Variants in AIG1 observed in about 807,000 individuals in gnomAD.
The protein encoded by AIG1 is androgen-induced gene 1 protein.
AIG1 carries 23 observed loss-of-function variants against 31.4 expected under a neutral mutation model. That is an observed-to-expected ratio of 0.73 (90% CI 0.53 to 1.04). The LOEUF is 1.04. Among genes scored for constraint, AIG1 ranks in the 50% least tolerant of loss-of-function variants. The pLI is 0.00. For synonymous variants in AIG1, 100 were observed against 110.5 expected (o/e 0.90, Z 0.60); for missense variants, 274 against 295.0 (o/e 0.93, Z 0.52).
chr6:143,238,502 T>C (rs1451059405), intron 3 of AIG1, among the ~76,000 whole-genome samples: 4 of 152,262 alleles, frequency 2.6e-5, no homozygotes, highest in Non-Finnish European at 5.9e-5. Context: ...CTGGGTCATA[T>C]GTTGAGCCTA....
chr6:143,291,225 A>C lies in AIG1; in HGVS notation c.515+7000A>C, dbSNP rs1028660065. Among the ~76,000 whole-genome samples the C allele has an allele frequency of 6.6e-6, 1 of 152,152 alleles. No individual in the cohort carries two copies. Among genetic ancestry groups the C allele is most frequent in the Non-Finnish European group, 1.5e-5 (1 of 68,034 alleles). On this transcript the variant is annotated intron_variant, in intron 4 of 5. Transcript: ENST00000357847. This position sits in a 1 kb window ranked among gnomAD's most constrained non-coding sequence, Gnocchi z 4.2. ...GTGATCCCATCATTGTACATGTCAA[A>C]GTTTCTTGTAGATCTGGTTTGACAT...
intron 4 of AIG1, among the ~76,000 whole-genome samples, chr6:143,302,942 T>C (rs1420378013): frequency 6.6e-6 from 1 of 152,132 alleles, no homozygotes; most frequent in East Asian, 1.9e-4. Context: ...TGGTATCTCA[T>C]TGTGGTTTTG....
At chr6:143,323,148 A>C (rs755852628) in intron 4 of AIG1, among the ~76,000 whole-genome samples, 6 of 152,224 alleles carry the variant, frequency 3.9e-5, no homozygotes, top group Non-Finnish European at 8.8e-5. Context: ...CGTAGGCAGG[A>C]CCAGTTAATC....
At chr6:143,116,546 G>A (rs879555991) in intron 1 of AIG1, among the ~76,000 whole-genome samples, 3 of 151,732 alleles carry the variant, frequency 2.0e-5, no homozygotes, top group Non-Finnish European at 4.4e-5. Context: ...AAAAGGCAGT[G>A]AAGGAAGCTA....
chr6:143,102,277 A>G (rs1297335656), intron 1 of AIG1, among the ~76,000 whole-genome samples: 1 of 151,518 alleles, frequency 6.6e-6, no homozygotes, highest in East Asian at 1.9e-4. Context: ...AATTAGTTCC[A>G]TGTTTTCTCA....
intron 1 of AIG1, among the ~76,000 whole-genome samples, chr6:143,089,927 C>CTG (rs1330080065): frequency 6.6e-6 from 1 of 152,198 alleles, no homozygotes; most frequent in Non-Finnish European, 1.5e-5. Context: ...AAGGATCAAA[C>CTG]TTTCAAACTA....
chr6:143,338,595 G>A lies in AIG1; in HGVS notation c.680-1044G>A, dbSNP rs1174863502. 6.6e-6 allele frequency: 1 copy of A among 152,120 alleles called. No homozygotes were observed. Among genetic ancestry groups the A allele is most frequent in the East Asian group, 1.9e-4 (1 of 5,192 alleles). The allele number at this position is 152,120 out of a possible 1,614,324, so 9.4% of individuals were successfully genotyped here. ...AATTTTATAATTTTCATATTGTGGAGTCCCATATTTTGTTCTGCTTTCCAC... is the reference window on the plus strand; with the variant it reads ...AATTTTATAATTTTCATATTGTGGAATCCCATATTTTGTTCTGCTTTCCAC... On this transcript the variant is annotated intron_variant, in intron 5 of 5. Transcript: ENST00000357847. This position sits in a 1 kb window ranked among gnomAD's most constrained non-coding sequence, Gnocchi z 4.3.
intron 3 of AIG1, among the ~76,000 whole-genome samples, chr6:143,219,924 T>C (rs920797585): frequency 6.6e-6 from 1 of 152,168 alleles, no homozygotes. Flanking sequence ...TGCTATGTCA[T>C]GGCGTTTTCA....
chr6:143,142,172 A>G (rs951440932), intron 2 of AIG1, among the ~76,000 whole-genome samples: 2 of 152,028 alleles, frequency 1.3e-5, no homozygotes, highest in Admixed American at 6.5e-5. Flanking sequence ...CCCTGGGTTT[A>G]GGGGTCCTCT....
At chr6:143,193,977 T>C (rs1014782122) in intron 3 of AIG1, among the ~76,000 whole-genome samples, 2 of 152,166 alleles carry the variant, frequency 1.3e-5, no homozygotes, top group African/African-American at 4.8e-5. Context: ...TATATTTCAG[T>C]ATAGATGAGA....
intron 1 of AIG1, among the ~76,000 whole-genome samples, chr6:143,110,251 T>G (rs1781153707): frequency 1.3e-5 from 2 of 152,240 alleles, no homozygotes; most frequent in Admixed American, 6.5e-5. Flanking sequence ...TCTTGATATC[T>G]GGTAATATAA....
rs1052584127 is a variant in AIG1 at position 143,298,330 on chromosome 6, C to T, written c.515+14105C>T. Among the ~76,000 whole-genome samples, 1 of 152,184 alleles carries T rather than the reference C, an allele frequency of 6.6e-6. No individual in the cohort carries two copies. The highest frequency in any genetic ancestry group is 2.4e-5 in the African/African-American group (1 of 41,434). ...AAGTGCCTTCTATAAACATGTTCCC[C>T]TTATTCTCCCTTTGCCACACAAAGT... is the stretch of plus-strand genomic sequence containing the variant. On this transcript the variant is annotated intron_variant, in intron 4 of 5. Transcript: ENST00000357847. The surrounding 1 kb of genome is among the most constrained non-coding windows in gnomAD (Gnocchi z 5.1).
At chr6:143,315,731 A>G (rs1775689449) in intron 4 of AIG1, among the ~76,000 whole-genome samples, 1 of 152,150 alleles carries the variant, frequency 6.6e-6, no homozygotes, top group Admixed American at 6.6e-5. Flanking sequence ...AGAAGAAAAT[A>G]TAAGGAATTT....
intron 3 of AIG1, among the ~76,000 whole-genome samples, chr6:143,171,071 G>A (rs554855770): frequency 3.9e-4 from 60 of 152,064 alleles, no homozygotes; most frequent in African/African-American, 1.4e-3. Flanking sequence ...CTTTCCAAGT[G>A]TTGGGAGAGA....
intron 1 of AIG1, among the ~76,000 whole-genome samples, chr6:143,074,423 A>G (rs1315375200): frequency 1.3e-5 from 2 of 152,226 alleles, no homozygotes; most frequent in East Asian, 3.8e-4. Flanking sequence ...AATTTTGTAT[A>G]TGGCGCAAGA....
intron 4 of AIG1, among the ~76,000 whole-genome samples, chr6:143,294,409 A>C (rs1562565043): frequency 1.3e-5 from 2 of 152,180 alleles, no homozygotes; most frequent in Non-Finnish European, 2.9e-5. Flanking sequence ...GAGATAGTGG[A>C]TTCATGAGCC....
chr6:143,210,290 C>T (rs566813950), intron 3 of AIG1, among the ~76,000 whole-genome samples: 2 of 152,276 alleles, frequency 1.3e-5, no homozygotes, highest in Admixed American at 1.3e-4. Flanking sequence ...TTATAAGTTA[C>T]CCAGTCTTGA....
chr6:143,304,798 A>C (rs1423533315), intron 4 of AIG1, among the ~76,000 whole-genome samples: 1 of 152,228 alleles, frequency 6.6e-6, no homozygotes, highest in South Asian at 2.1e-4. Context: ...TTCAGAAGGA[A>C]TGGTACCAAT....
chr6:143,255,735 G>A (rs566053393), intron 3 of AIG1, among the ~76,000 whole-genome samples: 1 of 152,018 alleles, frequency 6.6e-6, no homozygotes, highest in South Asian at 2.1e-4. Flanking sequence ...CTGGAGAGAG[G>A]GATCACACTC....
Sources: gnomAD v4.1 joint callset for allele counts (sites outside exome capture counted in the v4.1 genomes callset) on GRCh38, gnomAD v4.1.1 for gene constraint, Gnocchi (gnomAD v3.1) non-coding constraint, MANE v1.5 for transcripts, NCBI Gene and HGNC (gene_info 2026-07-23, HGNC 2026-07-21) for gene names.